Variants in DLEU7 observed in about 807,000 individuals in gnomAD.
The protein encoded by DLEU7 is deleted in lymphocytic leukemia 7, also known as leukemia-associated protein 7.
DLEU7 carries 17 observed loss-of-function variants against 16.0 expected under a neutral mutation model. The observed-to-expected ratio is 1.06, with a 90% CI of 0.73 to 1.59. The LOEUF (loss-of-function observed/expected upper bound fraction) is 1.59, where lower values mean the gene tolerates loss of function less well. DLEU7 is among the 40% of genes most tolerant of loss of function. The pLI is 0.00. For synonymous variants in DLEU7, 113 were observed against 139.8 expected, an observed-to-expected ratio of 0.81 and a Z score of 1.35; for missense variants, 308 against 314.9, an observed-to-expected ratio of 0.98 and a Z score of 0.17.
At chr13:50,716,668 T>C (rs1182242121) in intron 1 of DLEU7, among the ~76,000 whole-genome samples, 1 of 152,260 alleles carries the variant, frequency 6.6e-6, no homozygotes, top group African/African-American at 2.4e-5. Context: ...CCTGCCTTGT[T>C]CATAGGATTG....
chr13:50,794,474 A>G (rs1328661848), intron 1 of DLEU7, among the ~76,000 whole-genome samples: 5 of 152,196 alleles, frequency 3.3e-5, no homozygotes, highest in African/African-American at 9.6e-5. Flanking sequence ...CAAATTGGAC[A>G]TAAAATTCAG....
chr13:50,742,380 T>C (rs536301851), intron 1 of DLEU7, among the ~76,000 whole-genome samples: 66 of 152,320 alleles, frequency 4.3e-4, no homozygotes, highest in South Asian at 2.3e-3. Flanking sequence ...TTCTTTCTTC[T>C]TTTTTATGTT....
intron 1 of DLEU7, among the ~76,000 whole-genome samples, chr13:50,817,386 T>C (rs778763494): frequency 7.9e-5 from 12 of 152,150 alleles, no homozygotes; most frequent in Non-Finnish European, 1.3e-4. Flanking sequence ...TGGTAACACA[T>C]ACTAGGGCTG....
intron 1 of DLEU7, among the ~76,000 whole-genome samples, chr13:50,745,548 T>C (rs1303188672): frequency 2.6e-5 from 4 of 152,172 alleles, no homozygotes; most frequent in South Asian, 4.1e-4. Context: ...GTAAATTTTA[T>C]GTATATTTTA....
chr13:50,803,386 G>C (rs1876300272), intron 1 of DLEU7, among the ~76,000 whole-genome samples: 2 of 151,994 alleles, frequency 1.3e-5, no homozygotes, highest in African/African-American at 4.8e-5. Context: ...TTTTTTATTA[G>C]GTTGTTAGAC....
chr13:50,712,965 G>T, exon 2 of DLEU7: 1 of 480,770 alleles, frequency 2.1e-6, no homozygotes, highest in Non-Finnish European at 3.7e-6. Context: ...CAAGATGACA[G>T]GATTACTTGG....
chr13:50,822,861 A>T, downstream of DLEU7: 2 of 989,804 alleles, frequency 2.0e-6, no homozygotes, highest in Non-Finnish European at 2.4e-6. Flanking sequence ...TCCAGTAAGT[A>T]TTAATAGAAC....
In DLEU7 at chr13:50,713,101, G is replaced by A. The variant is rs2487700; in HGVS notation, c.*116C>T. 204 of 1,235,710 alleles carry A rather than the reference G, an allele frequency of 1.7e-4. 2 individuals are homozygous for A. The highest frequency in any genetic ancestry group is 9.3e-4 in the Middle Eastern group (5 of 5,348). The allele number at this position is 1,235,710 out of a possible 1,614,324, so 76.5% of individuals were successfully genotyped here. A position where few individuals can be genotyped will look rare whatever the true frequency, so the allele number is the denominator to read the frequency against. Reference sequence around the variant, plus strand: ...TACGAAGGCAATGGAGGCCAACAACGTGGTAATAAGAAGTGGTTTAACATC... The same window carrying A: ...TACGAAGGCAATGGAGGCCAACAACATGGTAATAAGAAGTGGTTTAACATC... On this transcript the variant is annotated 3_prime_UTR_variant, in exon 2 of 2. Transcript: ENST00000400393.
At chr13:50,750,667 CTA>C (rs1285221495) in intron 1 of DLEU7, among the ~76,000 whole-genome samples, 12 of 151,912 alleles carry the variant, frequency 7.9e-5, no homozygotes, top group African/African-American at 2.4e-5. Context: ...AGGTATATTC[CTA>C]TGTTTTTTGT....
intron 1 of DLEU7, among the ~76,000 whole-genome samples, chr13:50,796,737 T>A (rs1033080183): frequency 7.2e-5 from 11 of 152,068 alleles, no homozygotes; most frequent in Non-Finnish European, 1.5e-4. Flanking sequence ...TATGAAAACC[T>A]CTTATGTCCA....
rs534456427 is a variant in DLEU7, at chr13:50,732,173, AGAT to A, written c.460-18936_460-18934del. Among the ~76,000 whole-genome samples the A allele has an allele frequency of 4.6e-5, 7 of 152,326 alleles. No homozygotes were observed. In the East Asian group the frequency reaches 1.3e-3, roughly 29 times the overall value. The stretch of plus-strand genomic sequence containing the variant: ...CTATAACACAGCAATTTTTAAATAC[AGAT>A]GTAATACTATCACAGAAAATTTTAT... On this transcript the variant is annotated intron_variant, in intron 1 of 1. Transcript: ENST00000400393.
At chr13:50,799,570 C>G (rs572813973) in intron 1 of DLEU7, among the ~76,000 whole-genome samples, 1 of 152,326 alleles carries the variant, frequency 6.6e-6, no homozygotes, top group African/African-American at 2.4e-5. Flanking sequence ...CCTTTAATAA[C>G]AGCATTTCTG....
At chr13:50,758,100 T>C (rs514131) in intron 1 of DLEU7, among the ~76,000 whole-genome samples, 83,838 of 147,780 alleles carry the variant, frequency 0.57, 26,233 homozygotes, top group African/African-American at 0.84. Flanking sequence ...TTGCTGGCCT[T>C]AAGCAATCCT....
chr13:50,725,791 A>G (rs1291404202), intron 1 of DLEU7, among the ~76,000 whole-genome samples: 1 of 151,784 alleles, frequency 6.6e-6, no homozygotes, highest in African/African-American at 2.4e-5. Flanking sequence ...ATTTTATTTT[A>G]TTTTTCTGTA....
intron 1 of DLEU7, among the ~76,000 whole-genome samples, chr13:50,775,077 A>G (rs1215416478): frequency 6.6e-6 from 1 of 151,858 alleles, no homozygotes; most frequent in African/African-American, 2.4e-5. Flanking sequence ...TAATTTCAAC[A>G]TCTCGTTATT....
At chr13:50,754,084 A>G (rs937918699) in intron 1 of DLEU7, among the ~76,000 whole-genome samples, 1 of 152,096 alleles carries the variant, frequency 6.6e-6, no homozygotes, top group Non-Finnish European at 1.5e-5. Context: ...AGCTTATTTT[A>G]TGGCCTATCA....
intron 1 of DLEU7, among the ~76,000 whole-genome samples, chr13:50,736,340 G>A (rs1874068750): frequency 6.6e-6 from 1 of 152,052 alleles, no homozygotes; most frequent in Non-Finnish European, 1.5e-5. Flanking sequence ...AGCAGACACT[G>A]GGGCCTACTT....
At chr13:50,789,226 G>A (rs776879621) in intron 1 of DLEU7, among the ~76,000 whole-genome samples, 15 of 151,122 alleles carry the variant, frequency 9.9e-5, no homozygotes, top group African/African-American at 2.7e-4. Context: ...AGGAAAGGAC[G>A]CGTGGGACAC....
intron 1 of DLEU7, 40 bp from the exon 2 acceptor site, chr13:50,823,560 T>A: frequency 6.5e-7 from 1 of 1,529,710 alleles, no homozygotes; most frequent in Non-Finnish European, 8.8e-7. Context: ...ATTAGATAGG[T>A]TATGGGGGCC....
Sources: allele counts gnomAD v4.1 joint callset (sites outside exome capture counted in the v4.1 genomes callset), GRCh38; gene constraint gnomAD v4.1.1; transcripts MANE v1.5; gene names NCBI Gene and HGNC (gene_info 2026-07-23, HGNC 2026-07-21).